The following GAS1 variants were observed in gnomAD, a reference collection of about 807,000 sequenced individuals.
The protein encoded by GAS1 is growth arrest-specific protein 1.
GAS1 carries 10 observed loss-of-function variants against 21.6 expected under a neutral mutation model. The observed-to-expected ratio is 0.46, with a 90% CI of 0.29 to 0.79. GAS1 has a LOEUF of 0.79. Among genes scored for constraint, GAS1 ranks in the 30% least tolerant of loss-of-function variants. The pLI is 0.10. For missense variants in GAS1, 567 were observed against 544.3 expected (o/e 1.04, Z -0.42); for synonymous variants, 332 against 264.0 (o/e 1.26, Z -2.50).
In GAS1 at chr9:86,945,640, C is replaced by T; in HGVS notation, c.*102G>A. 1 of 1,179,212 alleles carries T rather than the reference C, an allele frequency of 8.5e-7. No homozygotes were observed. Among genetic ancestry groups the T allele is most frequent in the Non-Finnish European group, 1.1e-6 (1 of 893,528 alleles). The allele number at this position is 1,179,212 out of a possible 1,614,324, so 73.0% of individuals were successfully genotyped here. A position where few individuals can be genotyped will look rare whatever the true frequency, so the allele number is the denominator to read the frequency against. ...AGTTTTGGGAAGTATCCCCAACCAT[C>T]CCTTCTATCTGTCCCAAGCCACAGG... is the stretch of plus-strand genomic sequence containing the variant. On this transcript the variant is annotated 3_prime_UTR_variant, in exon 1 of 1. Coordinates refer to ENST00000298743, the MANE Select transcript of GAS1 (RefSeq NM_002048.3).
Position 86,945,528 on chromosome 9 carries a change from C to T in GAS1, c.*214G>A, listed in dbSNP as rs113149366. On this transcript the variant is annotated 3_prime_UTR_variant, in exon 1 of 1. Transcript: ENST00000298743. Reference sequence around the variant, plus strand: ...TGGAATTGGGGCGGGGGAGGAGGTCCAAGAAGTCAAGCTCCGGAGAGGAGC... The same window carrying T: ...TGGAATTGGGGCGGGGGAGGAGGTCTAAGAAGTCAAGCTCCGGAGAGGAGC... The T allele has an allele frequency of 7.1e-6, 3 of 420,200 alleles. No individual in the cohort carries two copies. The highest frequency in any genetic ancestry group is 1.2e-5 in the Non-Finnish European group (3 of 243,184). The allele number at this position is 420,200 out of a possible 1,614,324, so 26.0% of individuals were successfully genotyped here.
chr9:86,946,319 C>T lies in GAS1; in HGVS notation c.461G>A (p.Gly154Asp). Residue 154 changes from glycine to aspartate, a missense_variant, in exon 1 of 1, where the codon GGC becomes GAC. By Grantham distance (94) the Gly-to-Asp change is moderately conservative (BLOSUM62 -1). Transcript: ENST00000298743. The surrounding 1 kb of genome is among the most constrained non-coding windows in gnomAD (Gnocchi z 5.2). Reference sequence around the variant, plus strand: ...CCCGCCCGCGCCGGGGCCGCCCGCGCCGCCGCCGCTCGTCCGGGGCAGGCA... The same window carrying T: ...CCCGCCCGCGCCGGGGCCGCCCGCGTCGCCGCCGCTCGTCCGGGGCAGGCA... ...EPCLPRTSGG[G>D]AGGPGAGGVM... 1 of 1,406,010 alleles carries T rather than the reference C, an allele frequency of 7.1e-7. No individual in the cohort carries two copies. Among genetic ancestry groups the T allele is most frequent in the Non-Finnish European group, 9.2e-7 (1 of 1,083,216 alleles). The allele number at this position is 1,406,010 out of a possible 1,614,324, so 87.1% of individuals were successfully genotyped here.
In GAS1 at chr9:86,944,538, T is replaced by C. The variant is rs1455546133; in HGVS notation, c.*1204A>G. On this transcript the variant is annotated 3_prime_UTR_variant, in exon 1 of 1. Coordinates refer to ENST00000298743, the MANE Select transcript of GAS1 (RefSeq NM_002048.3). ...GTACATTTCTACAACGTCCATAAAT[T>C]CTCTTGAAAATAAGAATGTTAACTT... 1.3e-5 allele frequency: 2 copies of C among 152,334 alleles called. No homozygotes were observed. Among genetic ancestry groups the C allele is most frequent in the Non-Finnish European group, 2.9e-5 (2 of 68,028 alleles). The allele number at this position is 152,334 out of a possible 1,614,324, so 9.4% of individuals were successfully genotyped here.
rs1453219584 is a variant in GAS1 at position 86,946,866 on chromosome 9, C to T, written c.-87G>A. On this transcript the variant is annotated 5_prime_UTR_variant, in exon 1 of 1. An upstream open reading frame in the 5' UTR gains an earlier in-frame stop. Transcript: ENST00000298743. The surrounding 1 kb of genome is among the most constrained non-coding windows in gnomAD (Gnocchi z 5.2). ...ACGCGGAGCCGGTGGAAAAGTTTGT[C>T]CAAGTCCTGCCCACTTCTTGCATGA... 7.4e-6 allele frequency: 3 copies of T among 408,052 alleles called. No homozygotes were observed. In the East Asian group the frequency reaches 1.3e-4, roughly 18 times the overall value. The allele number at this position is 408,052 out of a possible 1,614,324, so 25.3% of individuals were successfully genotyped here.
In GAS1 at chr9:86,946,585, G is replaced by A. The variant is rs1181507050; in HGVS notation, c.195C>T (p.Tyr65=). The A allele has an allele frequency of 1.4e-6, 2 of 1,440,426 alleles. No homozygotes were observed. The highest frequency in any genetic ancestry group is 9.1e-7 in the Non-Finnish European group (1 of 1,099,362). 89.2% of individuals were successfully genotyped at this position (1,440,426 alleles called of 1,614,324 possible). A position where few individuals can be genotyped will look rare whatever the true frequency, so the allele number is the denominator to read the frequency against. Residue 65 remains tyrosine, a synonymous_variant, in exon 1 of 1, where the codon TAC becomes TAT. Coordinates refer to ENST00000298743, the MANE Select transcript of GAS1 (RefSeq NM_002048.3). The surrounding 1 kb of genome is among the most constrained non-coding windows in gnomAD (Gnocchi z 5.2). ...GCGCGCACGCCTCGGCGTACTGGTT[G>A]TAGGCGTAGCTGCACTCCGGCTCCC... ...CQGEPECSYA[Y]NQYAEACAPV...
rs749020654 is a variant in GAS1, at chr9:86,945,938, T to C, written c.842A>G (p.Glu281Gly). 1.4e-4 allele frequency: 229 copies of C among 1,589,998 alleles called. No homozygotes were observed. The highest frequency in any genetic ancestry group is 3.4e-4 in the South Asian group (30 of 88,188). Reference sequence around the variant, plus strand: ...GCCGTCGTCGTCGTCCAGCGGCTGCTCACCACCCGCGCCCCCGGTGCGCTG... The same window carrying C: ...GCCGTCGTCGTCGTCCAGCGGCTGCCCACCACCCGCGCCCCCGGTGCGCTG... Reference protein sequence around the residue: ...DEQRTGGAGGEQPLDDDDGVP... With the variant: ...DEQRTGGAGGGQPLDDDDGVP... Residue 281 changes from glutamate to glycine, a missense_variant, in exon 1 of 1, where the codon GAG (glutamate) becomes GGG (glycine). Physicochemically the swap from Glu to Gly is moderately conservative, Grantham distance 98. Coordinates refer to ENST00000298743, the MANE Select transcript of GAS1 (RefSeq NM_002048.3).
chr9:86,946,760 C>A lies in GAS1; in HGVS notation c.20G>T (p.Gly7Val). The A allele has an allele frequency of 8.8e-7, 1 of 1,132,776 alleles. No individual in the cohort carries two copies. 70.2% of individuals were successfully genotyped at this position (1,132,776 alleles called of 1,614,324 possible). A position where few individuals can be genotyped will look rare whatever the true frequency, so the allele number is the denominator to read the frequency against. The change falls in exon 1 of 1, where the codon GGC (glycine) becomes GTC (valine). Residue 7 changes from glycine (G) to valine (V), a missense_variant. By Grantham distance (109) the Gly-to-Val change is moderately radical. Coordinates refer to ENST00000298743, the MANE Select transcript of GAS1 (RefSeq NM_002048.3). The surrounding 1 kb of genome is among the most constrained non-coding windows in gnomAD (Gnocchi z 5.2). ...CCCCCCGCGGGCCTCGCCGCCGCCGCCCAGCAGCGCGGCCACCATCGCGGG... is the reference window on the plus strand; with the variant it reads ...CCCCCCGCGGGCCTCGCCGCCGCCGACCAGCAGCGCGGCCACCATCGCGGG... MVAALL[G>V]GGGEARGGTV... is the part of the protein sequence containing the mutation.
chr9:86,945,514 C>A lies in GAS1; in HGVS notation c.*228G>T, dbSNP rs1210829139. The A allele has an allele frequency of 2.2e-5, 9 of 405,158 alleles. 1 individual carries two copies. The East Asian group carries it at 2.5e-4, about 11-fold the overall frequency. 25.1% of individuals were successfully genotyped at this position (405,158 alleles called of 1,614,324 possible). ...GAGTTTCTGGAGCTTGGAATTGGGGCGGGGGAGGAGGTCCAAGAAGTCAAG... is the reference window on the plus strand; with the variant it reads ...GAGTTTCTGGAGCTTGGAATTGGGGAGGGGGAGGAGGTCCAAGAAGTCAAG... On this transcript the variant is annotated 3_prime_UTR_variant, in exon 1 of 1. Coordinates refer to ENST00000298743, the MANE Select transcript of GAS1 (RefSeq NM_002048.3).
rs1278286175 is a variant in GAS1, at chr9:86,946,346, G to A, written c.434C>T (p.Pro145Leu). 3.4e-6 allele frequency: 5 copies of A among 1,454,726 alleles called. No individual in the cohort carries two copies. The highest frequency in any genetic ancestry group is 4.5e-6 in the Non-Finnish European group (5 of 1,105,314). 90.1% of individuals were successfully genotyped at this position (1,454,726 alleles called of 1,614,324 possible). A position where few individuals can be genotyped will look rare whatever the true frequency, so the allele number is the denominator to read the frequency against. Residue 145 changes from proline (P) to leucine (L), a missense_variant, in exon 1 of 1, where the codon CCG becomes CTG. Coordinates refer to ENST00000298743, the MANE Select transcript of GAS1 (RefSeq NM_002048.3). The surrounding 1 kb of genome is among the most constrained non-coding windows in gnomAD (Gnocchi z 5.2). ...NCKSTKRAIE[P>L]CLPRTSGGGA... is the part of the protein sequence containing the mutation. ...GCCGCCGCTCGTCCGGGGCAGGCAC[G>A]GCTCAATGGCGCGCTTGGTGGACTT... is the stretch of plus-strand genomic sequence containing the variant.
chr9:86,946,135 C>T lies in GAS1; in HGVS notation c.645G>A (p.Lys215=), dbSNP rs533125798. 2 of 1,609,268 alleles carry T rather than the reference C, an allele frequency of 1.2e-6. No homozygotes were observed. The highest frequency in any genetic ancestry group is 2.7e-5 in the African/African-American group (2 of 75,014). The change falls in exon 1 of 1, where the codon AAG becomes AAA. Residue 215 remains lysine, a synonymous_variant. Transcript: ENST00000298743. This position sits in a 1 kb window ranked among gnomAD's most constrained non-coding sequence, Gnocchi z 5.2. ...TVIEDMLAMP[K]AALLNDCVCD... ...ACACGCAGTCGTTGAGCAGCGCCGC[C>T]TTGGGCATAGCCAGCATGTCCTCAA... is the stretch of plus-strand genomic sequence containing the variant.
rs1418978620 is a variant in GAS1 at position 86,945,632 on chromosome 9, C to A, written c.*110G>T. On this transcript the variant is annotated 3_prime_UTR_variant, in exon 1 of 1. Coordinates refer to ENST00000298743, the MANE Select transcript of GAS1 (RefSeq NM_002048.3). ...TTGGAAAAAGTTTTGGGAAGTATCC[C>A]CAACCATCCCTTCTATCTGTCCCAA... 9 of 1,131,126 alleles carry A rather than the reference C, an allele frequency of 8.0e-6. No individual in the cohort carries two copies. The highest frequency in any genetic ancestry group is 1.0e-5 in the Non-Finnish European group (9 of 858,068). 70.1% of individuals were successfully genotyped at this position (1,131,126 alleles called of 1,614,324 possible). A position where few individuals can be genotyped will look rare whatever the true frequency, so the allele number is the denominator to read the frequency against.
At position 86,946,035 on chromosome 9, in the gene GAS1, C is replaced by G. The variant is rs749142292; in HGVS notation, c.745G>C (p.Gly249Arg). 4.4e-6 allele frequency: 7 copies of G among 1,608,016 alleles called. No individual in the cohort carries two copies. In the South Asian group the frequency reaches 7.7e-5, roughly 18 times the overall value. ...GAGCCGCTGCTGCCGGGGCCGTTGCCCAGCTCGGCGCCGAAGCACAGGCGG... is the reference window on the plus strand; with the variant it reads ...GAGCCGCTGCTGCCGGGGCCGTTGCGCAGCTCGGCGCCGAAGCACAGGCGG... Reference protein sequence around the residue: ...MARLCFGAELGNGPGSSGSDG... With the variant: ...MARLCFGAELRNGPGSSGSDG... The change falls in exon 1 of 1, where the codon GGC becomes CGC. Residue 249 changes from glycine (G) to arginine (R), a missense_variant. Gly to Arg is a moderately radical substitution (Grantham distance 125). Coordinates refer to ENST00000298743, the MANE Select transcript of GAS1 (RefSeq NM_002048.3). This position sits in a 1 kb window ranked among gnomAD's most constrained non-coding sequence, Gnocchi z 5.2.
chr9:86,946,756 G>A lies in GAS1; in HGVS notation c.24C>T (p.Gly8=). 4 of 1,172,102 alleles carry A rather than the reference G, an allele frequency of 3.4e-6. No individual in the cohort carries two copies. Among genetic ancestry groups the A allele is most frequent in the South Asian group, 2.2e-5 (1 of 44,912 alleles). 72.6% of individuals were successfully genotyped at this position (1,172,102 alleles called of 1,614,324 possible). A position where few individuals can be genotyped will look rare whatever the true frequency, so the allele number is the denominator to read the frequency against. The part of the protein sequence containing the change: MVAALLG[G]GGEARGGTVP... ...CTGTCCCCCCGCGGGCCTCGCCGCCGCCGCCCAGCAGCGCGGCCACCATCG... is the reference window on the plus strand; with the variant it reads ...CTGTCCCCCCGCGGGCCTCGCCGCCACCGCCCAGCAGCGCGGCCACCATCG... The change falls in exon 1 of 1, where the codon GGC becomes GGT. Residue 8 remains glycine, a synonymous_variant. Coordinates refer to ENST00000298743, the MANE Select transcript of GAS1 (RefSeq NM_002048.3). The surrounding 1 kb of genome is among the most constrained non-coding windows in gnomAD (Gnocchi z 5.2).
In GAS1 at chr9:86,946,502, G is replaced by A. The variant is rs1283824513; in HGVS notation, c.278C>T (p.Pro93Leu). The stretch of plus-strand genomic sequence containing the variant: ...CGACGAGAAAGAGGCGGCCGAGGCC[G>A]GGAAAGCGGCGGCGGCGGCCCCGGG... ...DAPGAAAAAFPASAASFSSRW... is the reference protein window; with the variant it reads ...DAPGAAAAAFLASAASFSSRW... The change falls in exon 1 of 1, where the codon CCG (proline) becomes CTG (leucine). Residue 93 changes from proline (P) to leucine (L), a missense_variant. Transcript: ENST00000298743. This position sits in a 1 kb window ranked among gnomAD's most constrained non-coding sequence, Gnocchi z 5.2. 5 of 1,442,700 alleles carry A rather than the reference G, an allele frequency of 3.5e-6. No homozygotes were observed. The highest frequency in any genetic ancestry group is 4.5e-6 in the Non-Finnish European group (5 of 1,099,330). 89.4% of individuals were successfully genotyped at this position (1,442,700 alleles called of 1,614,324 possible). A position where few individuals can be genotyped will look rare whatever the true frequency, so the allele number is the denominator to read the frequency against.
At position 86,945,774 on chromosome 9, in the gene GAS1, T is replaced by C; in HGVS notation, c.1006A>G (p.Ile336Val). ...PRGAWTPLAS[I>V]LLLLLGPLF ...AGCGGCCCAAGCAGCAGCAGCAAGATGGAGGCGAGTGGGGTCCAGGCGCCC... is the reference window on the plus strand; with the variant it reads ...AGCGGCCCAAGCAGCAGCAGCAAGACGGAGGCGAGTGGGGTCCAGGCGCCC... The change falls in exon 1 of 1, where the codon ATC becomes GTC. Residue 336 changes from isoleucine to valine, a missense_variant. Transcript: ENST00000298743. The C allele has an allele frequency of 6.7e-7, 1 of 1,500,280 alleles. No individual in the cohort carries two copies. The highest frequency in any genetic ancestry group is 1.2e-5 in the South Asian group (1 of 81,780). 92.9% of individuals were successfully genotyped at this position (1,500,280 alleles called of 1,614,324 possible).
chr9:86,946,272 G>A lies in GAS1; in HGVS notation c.508C>T (p.Arg170Trp), dbSNP rs1005191877. The A allele has an allele frequency of 3.2e-6, 5 of 1,542,502 alleles. No individual in the cohort carries two copies. Among genetic ancestry groups the A allele is most frequent in the Non-Finnish European group, 3.5e-6 (4 of 1,150,916 alleles). The change falls in exon 1 of 1, where the codon CGG becomes TGG. Residue 170 changes from arginine to tryptophan, a missense_variant. By Grantham distance (101) the Arg-to-Trp change is moderately radical (BLOSUM62 -3). Transcript: ENST00000298743. The surrounding 1 kb of genome is among the most constrained non-coding windows in gnomAD (Gnocchi z 5.2). Reference sequence around the variant, plus strand: ...CGGCTGTCGCGGTCGCAGCGCCGCCGGGCCTCGGTGCAGCCCATGACCCCG... The same window carrying A: ...CGGCTGTCGCGGTCGCAGCGCCGCCAGGCCTCGGTGCAGCCCATGACCCCG... ...AGGVMGCTEA[R>W]RRCDRDSRCN... is the part of the protein sequence containing the mutation.
rs1421147281 is a variant in GAS1 at position 86,946,122 on chromosome 9, T to C, written c.658A>G (p.Asn220Asp). Residue 220 changes from asparagine (N) to aspartate (D), a missense_variant, in exon 1 of 1, where the codon AAC becomes GAC. Asn to Asp is a conservative substitution (Grantham distance 23). Coordinates refer to ENST00000298743, the MANE Select transcript of GAS1 (RefSeq NM_002048.3). The surrounding 1 kb of genome is among the most constrained non-coding windows in gnomAD (Gnocchi z 5.2). Reference sequence around the variant, plus strand: ...TCGAGGCCGTCGCACACGCAGTCGTTGAGCAGCGCCGCCTTGGGCATAGCC... The same window carrying C: ...TCGAGGCCGTCGCACACGCAGTCGTCGAGCAGCGCCGCCTTGGGCATAGCC... ...MLAMPKAALL[N>D]DCVCDGLERP... is the part of the protein sequence containing the mutation. 1.2e-6 allele frequency: 2 copies of C among 1,609,014 alleles called. No homozygotes were observed. Among genetic ancestry groups the C allele is most frequent in the Non-Finnish European group, 1.7e-6 (2 of 1,179,626 alleles).
Position 86,946,008 on chromosome 9 carries a change from C to T in GAS1, c.772G>A (p.Asp258Asn), listed in dbSNP as rs1219370330. Residue 258 changes from aspartate (D) to asparagine (N), a missense_variant, in exon 1 of 1, where the codon GAC becomes AAC. By Grantham distance (23) the Asp-to-Asn change is conservative. Coordinates refer to ENST00000298743, the MANE Select transcript of GAS1 (RefSeq NM_002048.3). The surrounding 1 kb of genome is among the most constrained non-coding windows in gnomAD (Gnocchi z 5.2). ...LGNGPGSSGS[D>N]GGLDDYYDED... ...TCGTAGTAGTCGTCCAGGCCCCCGT[C>T]CGAGCCGCTGCTGCCGGGGCCGTTG... is the stretch of plus-strand genomic sequence containing the variant. 1.9e-6 allele frequency: 3 copies of T among 1,608,102 alleles called. No individual in the cohort carries two copies. Among genetic ancestry groups the T allele is most frequent in the Non-Finnish European group, 2.5e-6 (3 of 1,179,374 alleles).
In GAS1 at chr9:86,944,706, A is replaced by G. The variant is rs1178181040; in HGVS notation, c.*1036T>C. On this transcript the variant is annotated 3_prime_UTR_variant, in exon 1 of 1. Transcript: ENST00000298743. ...GGTGTAATATGGATGTGAGTTTAAA[A>G]CTTTTAATTTCTTTTTAAAAATAAA... 1 of 152,198 alleles carries G rather than the reference A, an allele frequency of 6.6e-6. No homozygotes were observed. The highest frequency in any genetic ancestry group is 1.9e-4 in the East Asian group (1 of 5,196). The allele number at this position is 152,198 out of a possible 1,614,324, so 9.4% of individuals were successfully genotyped here. A position where few individuals can be genotyped will look rare whatever the true frequency, so the allele number is the denominator to read the frequency against.
Sources: allele counts gnomAD v4.1 joint callset, GRCh38; gene constraint gnomAD v4.1.1; non-coding constraint Gnocchi (gnomAD v3.1); transcripts MANE v1.5; gene names NCBI Gene and HGNC (gene_info 2026-07-23, HGNC 2026-07-21).